Variants in CCDC18 observed in about 807,000 individuals in gnomAD.
CCDC18 encodes coiled-coil domain containing 18.
A neutral mutation model predicts 196.0 loss-of-function variants in CCDC18; 157 were observed. The ratio of observed to expected loss-of-function variants is 0.80; its 90% CI spans 0.70 to 0.91. The LOEUF is 0.91. Among genes scored for constraint, CCDC18 ranks in the 40% least tolerant of loss-of-function variants. The probability of loss-of-function intolerance (pLI) is 0.00; values close to 1 mark genes in which losing one functional copy is unlikely to be tolerated. For missense variants in CCDC18, 1,465 were observed against 1,611.6 expected (o/e 0.91, Z 1.56); for synonymous variants, 482 against 529.2 (o/e 0.91, Z 1.22).
intron 6 of CCDC18, among the ~76,000 whole-genome samples, chr1:93,194,177 G>A (rs1181892387): frequency 6.6e-6 from 1 of 152,062 alleles, no homozygotes; most frequent in Non-Finnish European, 1.5e-5. Flanking sequence ...GTGAATGTGT[G>A]CTTGGATCTT....
rs770931526 is a variant in CCDC18 at position 93,180,754 on chromosome 1, G to A, written c.-101G>A. On this transcript the variant is annotated 5_prime_UTR_variant, in exon 1 of 29. Transcript: ENST00000690025. ...GAATTCTGTGCTGCCGGGGTTCGCT[G>A]GTTCTCCGAGTTGTGTCCGAGGCTT... The A allele has an allele frequency of 1.5e-6, 2 of 1,367,042 alleles. No homozygotes were observed. Among genetic ancestry groups the A allele is most frequent in the Non-Finnish European group, 2.0e-6 (2 of 1,021,652 alleles). 84.7% of individuals were successfully genotyped at this position (1,367,042 alleles called of 1,614,324 possible).
chr1:93,246,323 A>AT, intron 22 of CCDC18, 119 bp downstream of exon 22: 1 of 579,976 alleles, frequency 1.7e-6, no homozygotes, highest in Non-Finnish European at 3.1e-6. Context: ...TTTTCTCTGC[A>AT]CATAGGGTTT....
At chr1:93,210,321 A>G (rs931851777) in intron 9 of CCDC18, among the ~76,000 whole-genome samples, 5 of 152,188 alleles carry the variant, frequency 3.3e-5, no homozygotes, top group Non-Finnish European at 4.4e-5. Flanking sequence ...AATTTGGGAC[A>G]CATATTGTCT....
Position 93,216,935 on chromosome 1 carries a change from C to CTCTTTTTT in CCDC18, c.1830+190_1830+191insCTTTTTTT, listed in dbSNP as rs781629982. Among the ~76,000 whole-genome samples the CTCTTTTTT allele has an allele frequency of 9.0e-4, 120 of 132,748 alleles. 4 individuals carry two copies. Among genetic ancestry groups the CTCTTTTTT allele is most frequent in the African/African-American group, 3.3e-3 (112 of 34,130 alleles). 87.1% of individuals were successfully genotyped at this position (132,748 alleles called of 152,430 possible). ...ATATGGCAAGTTATCCAAGTTTTCT[C>CTCTTTTTT]TTTTTTTTTTTTTTTTTGAGACAGA... On this transcript the variant is annotated intron_variant, in intron 13 of 28. Coordinates refer to ENST00000690025, the MANE Select transcript of CCDC18 (RefSeq NM_001378204.1).
intron 6 of CCDC18, among the ~76,000 whole-genome samples, chr1:93,200,325 G>C (rs185773383): frequency 8.0e-6 from 1 of 124,986 alleles, no homozygotes; most frequent in East Asian, 2.3e-4. Context: ...AAGACTATAG[G>C]AGATTATTTA....
At chr1:93,261,965 A>AATC (rs1331709648) in intron 26 of CCDC18, among the ~76,000 whole-genome samples, 1 of 152,208 alleles carries the variant, frequency 6.6e-6, no homozygotes, top group Non-Finnish European at 1.5e-5. Flanking sequence ...GGAAACTTAC[A>AATC]ATCATGGCAG....
chr1:93,270,786 C>A lies in CCDC18; in HGVS notation c.4325C>A (p.Ser1442Tyr). Residue 1442 changes from serine to tyrosine, a missense_variant, in exon 28 of 29, where the codon TCT (serine) becomes TAT (tyrosine). Physicochemically the swap from Ser to Tyr is moderately radical, Grantham distance 144. Transcript: ENST00000690025. ...GAAGTAAGACTATTAAAAAAGTCTTCTATGCAAACAGGTGCTGGTTTAAAT... is the reference window on the plus strand; with the variant it reads ...GAAGTAAGACTATTAAAAAAGTCTTATATGCAAACAGGTGCTGGTTTAAAT... ...NKEVRLLKKS[S>Y]MQTGAGLNQG... is the part of the protein sequence containing the mutation. The A allele has an allele frequency of 6.5e-7, 1 of 1,542,576 alleles. No homozygotes were observed. The highest frequency in any genetic ancestry group is 1.8e-4 in the Middle Eastern group (1 of 5,694).
intron 28 of CCDC18, among the ~76,000 whole-genome samples, chr1:93,275,294 A>G (rs1665565486): frequency 6.6e-6 from 1 of 152,058 alleles, no homozygotes; most frequent in African/African-American, 2.4e-5. Context: ...TTTTTAGTAG[A>G]GATGGGGTTT....
intron 7 of CCDC18, among the ~76,000 whole-genome samples, chr1:93,204,011 A>G (rs1271959451): frequency 6.6e-6 from 1 of 152,110 alleles, no homozygotes; most frequent in African/African-American, 2.4e-5. Context: ...AATTCTTTAC[A>G]TACGGTAGGT....
In CCDC18 at chr1:93,186,938, T is replaced by G. The variant is rs367738629; in HGVS notation, c.462+435T>G. Among the ~76,000 whole-genome samples the G allele has an allele frequency of 2.6e-5, 4 of 152,048 alleles. No individual in the cohort carries two copies. The East Asian group carries it at 7.7e-4, about 29-fold the overall frequency. On this transcript the variant is annotated intron_variant, in intron 4 of 28. Coordinates refer to ENST00000690025, the MANE Select transcript of CCDC18 (RefSeq NM_001378204.1). ...GAATCCAGACTGTTTTAAATAGTTT[T>G]GGTGTTTTCTGTTTTTTACTTTATA...
intron 13 of CCDC18, among the ~76,000 whole-genome samples, chr1:93,216,969 C>G: frequency 7.1e-6 from 1 of 140,128 alleles, no homozygotes; most frequent in African/African-American, 2.9e-5. Flanking sequence ...GAGTCTCACT[C>G]CGTCGCCCAG....
Position 93,239,875 on chromosome 1 carries a change from A to G in CCDC18, c.2960A>G (p.Lys987Arg). The G allele has an allele frequency of 6.2e-7, 1 of 1,605,580 alleles. No individual in the cohort carries two copies. The highest frequency in any genetic ancestry group is 8.5e-7 in the Non-Finnish European group (1 of 1,173,606). ...LSLEEKYTTI[K>R]DLTAELRECK... is the part of the protein sequence containing the mutation. ...TTAGAGGAAAAATACACTACTATAAAGGATCTCACAGCTGAACTTAGGTGA... is the reference window on the plus strand; with the variant it reads ...TTAGAGGAAAAATACACTACTATAAGGGATCTCACAGCTGAACTTAGGTGA... Residue 987 changes from lysine (K) to arginine (R), a missense_variant, in exon 21 of 29, where the codon AAG becomes AGG. Lys to Arg is a conservative substitution (Grantham distance 26). Transcript: ENST00000690025.
Position 93,258,866 on chromosome 1 carries a change from A to AAGT in CCDC18, c.3667_3668insTAG (p.Lys1222_Glu1223insVal). ...TTGTCAGCAGAAGTAGAATCTCTCA[A>AAGT]AGAAGCTTATCATATGGAGGTAAAG... On this transcript the variant is annotated inframe_insertion, in exon 26 of 29. Coordinates refer to ENST00000690025, the MANE Select transcript of CCDC18 (RefSeq NM_001378204.1). 6.3e-7 allele frequency: 1 copy of AAGT among 1,597,894 alleles called. No individual in the cohort carries two copies.
chr1:93,247,221 T>A (rs905172060), intron 23 of CCDC18, among the ~76,000 whole-genome samples: 1 of 151,568 alleles, frequency 6.6e-6, no homozygotes, highest in Non-Finnish European at 1.5e-5. Context: ...GCGACCACAC[T>A]CTGTGGATCT....
intron 18 of CCDC18, 85 bp from the exon 19 acceptor site, chr1:93,236,163 T>C: frequency 9.0e-7 from 1 of 1,111,340 alleles, no homozygotes; most frequent in Non-Finnish European, 1.3e-6. Context: ...TTATGATACA[T>C]CTTGAAACTG....
chr1:93,214,873 G>A lies in CCDC18; in HGVS notation c.1626G>A (p.Leu542=). 7 of 1,613,682 alleles carry A rather than the reference G, an allele frequency of 4.3e-6. No homozygotes were observed. Among genetic ancestry groups the A allele is most frequent in the Non-Finnish European group, 5.9e-6 (7 of 1,179,744 alleles). The part of the protein sequence containing the change: ...LIQIEAENSD[L]KVNMAHRTSQ... ...AAATAGAAGCTGAAAATTCTGATTT[G>A]AAGGTTAACATGGCTCACAGAACTA... The change falls in exon 12 of 29, where the codon TTG becomes TTA. Residue 542 remains leucine, a synonymous_variant. Transcript: ENST00000690025.
intron 1 of CCDC18, among the ~76,000 whole-genome samples, chr1:93,181,159 T>TTAAA (rs777168910): frequency 1.1e-5 from 1 of 89,856 alleles, no homozygotes; most frequent in African/African-American, 4.3e-5. Context: ...TCTATAAAAT[T>TTAAA]AAAAAAAAAA....
intron 9 of CCDC18, among the ~76,000 whole-genome samples, chr1:93,209,655 C>G (rs767708654): frequency 6.6e-6 from 1 of 152,166 alleles, no homozygotes; most frequent in African/African-American, 2.4e-5. Flanking sequence ...TCTGCTTTCC[C>G]AGGATGCTGT....
intron 18 of CCDC18, among the ~76,000 whole-genome samples, chr1:93,234,421 A>G (rs1659730299): frequency 6.6e-6 from 1 of 151,886 alleles, no homozygotes; most frequent in South Asian, 2.1e-4. Flanking sequence ...CAGCCTCCCA[A>G]AGTGCTGGGA....
Sources: gnomAD v4.1 joint callset for allele counts (sites outside exome capture counted in the v4.1 genomes callset) on GRCh38, gnomAD v4.1.1 for gene constraint, MANE v1.5 for transcripts, NCBI Gene and HGNC (gene_info 2026-07-23, HGNC 2026-07-21) for gene names.